RINT1: variants seen among roughly 807,000 people sequenced by gnomAD.
RINT1 encodes RAD50 interactor 1.
RINT1 carries 75 observed loss-of-function variants against 97.7 expected under a neutral mutation model. The observed-to-expected ratio is 0.77, with a 90% CI of 0.64 to 0.93. RINT1 has a LOEUF of 0.93. Among genes scored for constraint, RINT1 ranks in the 40% least tolerant of loss-of-function variants. RINT1 has a pLI of 0.00. For missense variants in RINT1, 892 were observed against 925.2 expected (o/e 0.96, Z 0.47); for synonymous variants, 303 against 326.3 (o/e 0.93, Z 0.77).
At chr7:105,564,595 A>C (rs1791606095) in intron 12 of RINT1, among the ~76,000 whole-genome samples, 1 of 152,304 alleles carries the variant, frequency 6.6e-6, no homozygotes. Context: ...GATAGCAAGC[A>C]GTATCTTTTT....
chr7:105,533,367 A>C (rs1384147337), intron 2 of RINT1, among the ~76,000 whole-genome samples: 2 of 152,202 alleles, frequency 1.3e-5, no homozygotes, highest in African/African-American at 4.8e-5. Context: ...TGGACAGGAA[A>C]GGGGGAAAAG....
At chr7:105,564,173 T>C (rs1247263040) in intron 12 of RINT1, among the ~76,000 whole-genome samples, 1 of 152,140 alleles carries the variant, frequency 6.6e-6, no homozygotes, top group Non-Finnish European at 1.5e-5. Context: ...TTGCAACCTC[T>C]GCCTTAGAGG....
chr7:105,551,902 C>T (rs777850240), intron 10 of RINT1, among the ~76,000 whole-genome samples, 195 bp downstream of exon 10: 2 of 151,926 alleles, frequency 1.3e-5, no homozygotes, highest in African/African-American at 2.4e-5. Flanking sequence ...GCCCTCTCTT[C>T]CGAAAAAATA....
At chr7:105,542,374 T>G (rs1185464488) in intron 3 of RINT1, 34 bp from the exon 4 acceptor site, 1 of 1,473,014 alleles carries the variant, frequency 6.8e-7, no homozygotes, top group Non-Finnish European at 9.3e-7. Flanking sequence ...TTGCTGCTGT[T>G]CTTTCTTTCT....
intron 5 of RINT1, 42 bp downstream of exon 5, chr7:105,547,125 G>A (rs1790701117): frequency 6.2e-7 from 1 of 1,612,726 alleles, no homozygotes; most frequent in Non-Finnish European, 8.5e-7. Flanking sequence ...GCTTTCCGAT[G>A]GGTATTTGGT....
At chr7:105,538,296 AAAAC>A (rs1790326655) in intron 3 of RINT1, among the ~76,000 whole-genome samples, 1 of 152,170 alleles carries the variant, frequency 6.6e-6, no homozygotes, top group African/African-American at 2.4e-5. Context: ...CGGCCAAGAT[AAAAC>A]ATTTTTATCA....
Position 105,550,297 on chromosome 7 carries a change from G to A in RINT1, c.1144G>A (p.Glu382Lys). 2 of 1,614,062 alleles carry A rather than the reference G, an allele frequency of 1.2e-6. No homozygotes were observed. The highest frequency in any genetic ancestry group is 1.7e-6 in the Non-Finnish European group (2 of 1,180,014). ...FSRGLMMLVL[E>K]KLATDIPCLL... Reference sequence around the variant, plus strand: ...TCGGGGCCTTATGATGCTGGTTCTTGAGAAGTTAGCCACTGATATTCCTTG... The same window carrying A: ...TCGGGGCCTTATGATGCTGGTTCTTAAGAAGTTAGCCACTGATATTCCTTG... The change falls in exon 9 of 15, where the codon GAG becomes AAG. Residue 382 changes from glutamate to lysine, a missense_variant. Coordinates refer to ENST00000257700, the MANE Select transcript of RINT1 (RefSeq NM_021930.6).
intron 3 of RINT1, among the ~76,000 whole-genome samples, chr7:105,537,151 A>G (rs942198292): frequency 4.0e-5 from 4 of 100,172 alleles, no homozygotes; most frequent in East Asian, 5.2e-4. Flanking sequence ...TTTTTTTGAG[A>G]CGGAGTTTTG....
chr7:105,559,561 A>G (rs1021972662), intron 11 of RINT1, among the ~76,000 whole-genome samples: 1 of 150,242 alleles, frequency 6.7e-6, no homozygotes, highest in South Asian at 2.1e-4. Context: ...AAAAAAAAAA[A>G]AAAAAAAGAA....
At chr7:105,533,182 C>G (rs761137038) in intron 2 of RINT1, among the ~76,000 whole-genome samples, 1 of 152,138 alleles carries the variant, frequency 6.6e-6, no homozygotes, top group Non-Finnish European at 1.5e-5. Context: ...AATGAAACAT[C>G]AACTTACTAA....
Position 105,536,623 on chromosome 7 carries a change from T to C in RINT1, c.147T>C (p.Asn49=), listed in dbSNP as rs1790246599. Residue 49 remains asparagine (N), a synonymous_variant, in exon 3 of 15, where the codon AAT becomes AAC. Transcript: ENST00000257700. The stretch of plus-strand genomic sequence containing the variant: ...AACAAGTCAGTGAAGGTACAGATAA[T>C]GGTGATCTCCCTTCTTATGTGTCTG... ...GSKQVSEGTD[N]GDLPSYVSAF... is the part of the protein sequence containing the mutation. 2.5e-6 allele frequency: 4 copies of C among 1,611,908 alleles called. No individual in the cohort carries two copies. The highest frequency in any genetic ancestry group is 3.4e-6 in the Non-Finnish European group (4 of 1,178,798).
Position 105,551,657 on chromosome 7 carries a change from A to C in RINT1, c.1421A>C (p.Lys474Thr). 6.2e-7 allele frequency: 1 copy of C among 1,612,848 alleles called. No homozygotes were observed. The highest frequency in any genetic ancestry group is 8.5e-7 in the Non-Finnish European group (1 of 1,179,306). Residue 474 changes from lysine to threonine, a missense_variant, in exon 10 of 15, where the codon AAA (lysine) becomes ACA (threonine). Physicochemically the swap from Lys to Thr is moderately conservative, Grantham distance 78 (BLOSUM62 -1). Coordinates refer to ENST00000257700, the MANE Select transcript of RINT1 (RefSeq NM_021930.6). ...GATATCACTGACGTGGATGAAATGA[A>C]AGTTCCAGATTGTGCAGAAACTTTT... Reference protein sequence around the residue: ...YKDITDVDEMKVPDCAETFMT... With the variant: ...YKDITDVDEMTVPDCAETFMT...
rs1409577652 is a variant in RINT1 at position 105,547,177 on chromosome 7, A to G, written c.690-7A>G. 1.2e-6 allele frequency: 2 copies of G among 1,613,990 alleles called. No homozygotes were observed. Among genetic ancestry groups the G allele is most frequent in the Non-Finnish European group, 1.7e-6 (2 of 1,180,024 alleles). On this transcript the variant is annotated splice_polypyrimidine_tract_variant and splice_region_variant and intron_variant, in intron 5 of 14. Coordinates refer to ENST00000257700, the MANE Select transcript of RINT1 (RefSeq NM_021930.6). ...ACTGAAATGTATGTGTTACTTTTCC[A>G]TTGCAGTGATTTTGAGGAAATTTTA...
intron 11 of RINT1, among the ~76,000 whole-genome samples, chr7:105,558,158 T>TA (rs1009377385): frequency 6.6e-6 from 1 of 150,956 alleles, no homozygotes; most frequent in Admixed American, 6.6e-5. Context: ...TTACTAAAAA[T>TA]AAAAAAAATG....
rs779927095 is a variant in RINT1 at position 105,555,191 on chromosome 7, C to T, written c.1635C>T (p.Tyr545=). The T allele has an allele frequency of 8.7e-6, 14 of 1,613,884 alleles. No individual in the cohort carries two copies. In the South Asian group the frequency reaches 8.8e-5, roughly 10 times the overall value. Residue 545 remains tyrosine (Y), a synonymous_variant, in exon 11 of 15, where the codon TAC becomes TAT. Transcript: ENST00000257700. The part of the protein sequence containing the change: ...RYCAILNAVN[Y]ISTVLADWAD... ...GTGCAATTCTTAATGCTGTGAACTA[C>T]ATCTCAACAGTACTAGCAGATTGGG...
chr7:105,539,876 CTT>C (rs1385574609), intron 3 of RINT1, among the ~76,000 whole-genome samples: 4 of 152,150 alleles, frequency 2.6e-5, no homozygotes, highest in African/African-American at 9.7e-5. Context: ...TTACAACACT[CTT>C]ATATACCAAA....
At chr7:105,566,896 T>C (rs1453707659) in intron 14 of RINT1, 1 of 321,866 alleles carries the variant, frequency 3.1e-6, no homozygotes, top group African/African-American at 2.1e-5. Context: ...CGGATACATA[T>C]TGAAATAGGG....
intron 11 of RINT1, among the ~76,000 whole-genome samples, chr7:105,556,220 C>G (rs1791176254): frequency 6.6e-6 from 1 of 151,822 alleles, no homozygotes; most frequent in Non-Finnish European, 1.5e-5. Flanking sequence ...GCACCCGCCA[C>G]CATGCCTGGC....
At chr7:105,542,120 A>G (rs1790480593) in intron 3 of RINT1, 1 of 240,496 alleles carries the variant, frequency 4.2e-6, no homozygotes, top group African/African-American at 2.3e-5. Flanking sequence ...AACTAATAAA[A>G]AAGGTTACAT....
Sources: allele counts gnomAD v4.1 joint callset (sites outside exome capture counted in the v4.1 genomes callset), GRCh38; gene constraint gnomAD v4.1.1; transcripts MANE v1.5; gene names NCBI Gene and HGNC (gene_info 2026-07-23, HGNC 2026-07-21).